Variants in SETX observed in about 807,000 individuals in gnomAD.
SETX encodes the protein helicase senataxin.
SETX carries 90 observed loss-of-function variants against 227.2 expected under a neutral mutation model. The observed-to-expected ratio is 0.40, with a 90% CI of 0.33 to 0.47. The LOEUF is 0.47. Among genes scored for constraint, SETX ranks in the 20% least tolerant of loss-of-function variants. The pLI, the probability that SETX is intolerant of heterozygous loss-of-function variation, is 0.91. For synonymous variants in SETX, 1,210 were observed against 1,113.2 expected (o/e 1.09, Z -1.73); for missense variants, 3,052 against 3,181.5 (o/e 0.96, Z 0.98).
intron 10 of SETX, among the ~76,000 whole-genome samples, chr9:132,313,628 G>A (rs1311297923): frequency 6.6e-6 from 1 of 152,072 alleles, no homozygotes; most frequent in Non-Finnish European, 1.5e-5. Flanking sequence ...AACTCATGTG[G>A]CCTTGGGAAA....
At chr9:132,306,920 A>C (rs986750821) in intron 11 of SETX, among the ~76,000 whole-genome samples, 3 of 152,202 alleles carry the variant, frequency 2.0e-5, no homozygotes, top group African/African-American at 7.2e-5. Flanking sequence ...CAGAATTGTC[A>C]TATCTTCTGT....
Position 132,281,523 on chromosome 9 carries a change from T to C in SETX, c.6598A>G (p.Asn2200Asp). 1 of 1,614,100 alleles carries C rather than the reference T, an allele frequency of 6.2e-7. No individual in the cohort carries two copies. Among genetic ancestry groups the C allele is most frequent in the Non-Finnish European group, 8.5e-7 (1 of 1,179,998 alleles). Residue 2200 changes from asparagine to aspartate, a missense_variant, in exon 20 of 26, where the codon AAT becomes GAT. Around this residue, in one of 10 missense-constraint regions of SETX, gnomAD observed 412 missense variants for 589.0 expected, o/e 0.70. Coordinates refer to ENST00000224140, the MANE Select transcript of SETX (RefSeq NM_015046.7). ...GGATCTCCTACTAGGATGAGCTTAT[T>C]GCAGCGATGGATGAGTGGAGTAAGA... is the stretch of plus-strand genomic sequence containing the variant. ...ETLTPLIHRC[N>D]KLILVGDPKQ...
At chr9:132,340,570 T>C (rs914954088) in intron 5 of SETX, among the ~76,000 whole-genome samples, 2 of 152,240 alleles carry the variant, frequency 1.3e-5, no homozygotes, top group African/African-American at 2.4e-5. Flanking sequence ...CCACGCATTT[T>C]AGTTTTCTAA....
Position 132,261,562 on chromosome 9 carries a change from G to A in SETX, c.*2677C>T, listed in dbSNP as rs1007967653. On this transcript the variant is annotated 3_prime_UTR_variant, in exon 26 of 26. Transcript: ENST00000224140. The stretch of plus-strand genomic sequence containing the variant: ...TTTAGGGTTTAACAAAGACAACAGG[G>A]CTGTTTGCCAAATCGCAGCTATTAA... 1 of 152,616 alleles carries A rather than the reference G, an allele frequency of 6.6e-6. No homozygotes were observed. The highest frequency in any genetic ancestry group is 1.5e-5 in the Non-Finnish European group (1 of 68,074). 9.5% of individuals were successfully genotyped at this position (152,616 alleles called of 1,614,324 possible).
In SETX at chr9:132,287,963, C is replaced by T. The variant is rs113460190; in HGVS notation, c.6324+273G>A. Among the ~76,000 whole-genome samples the T allele has an allele frequency of 1.6e-3, 248 of 152,240 alleles. 1 individual carries two copies. The highest frequency in any genetic ancestry group is 5.5e-3 in the African/African-American group (230 of 41,538). Reference sequence around the variant, plus strand: ...CTGAGGTGGGCAGATCAACTTGAGGCCGGGAGTTCGAGACTAGCCTGGCCA... The same window carrying T: ...CTGAGGTGGGCAGATCAACTTGAGGTCGGGAGTTCGAGACTAGCCTGGCCA... On this transcript the variant is annotated intron_variant, in intron 17 of 25. Coordinates refer to ENST00000224140, the MANE Select transcript of SETX (RefSeq NM_015046.7).
chr9:132,325,496 A>C (rs963466183), intron 10 of SETX, among the ~76,000 whole-genome samples: 3 of 152,232 alleles, frequency 2.0e-5, no homozygotes, highest in Non-Finnish European at 4.4e-5. Context: ...CTCTTACTTA[A>C]AAACAAAACA....
intron 22 of SETX, among the ~76,000 whole-genome samples, chr9:132,275,937 T>C (rs140206443): frequency 4.6e-5 from 7 of 152,280 alleles, no homozygotes; most frequent in Admixed American, 1.3e-4. Context: ...GTGAAGGATG[T>C]GTCCCACTTG....
intron 7 of SETX, among the ~76,000 whole-genome samples, chr9:132,333,002 T>C (rs775522913): frequency 4.6e-5 from 7 of 151,698 alleles, no homozygotes; most frequent in Non-Finnish European, 7.4e-5. Context: ...ATACATGTAG[T>C]TAGGCACAGG....
At chr9:132,341,849 T>A (rs1023488983) in intron 5 of SETX, among the ~76,000 whole-genome samples, 1 of 152,100 alleles carries the variant, frequency 6.6e-6, no homozygotes. Context: ...CCAGGCCAGG[T>A]TTCCACTCAT....
At chr9:132,275,963 C>G (rs1843138514) in intron 22 of SETX, among the ~76,000 whole-genome samples, 1 of 152,160 alleles carries the variant, frequency 6.6e-6, no homozygotes, top group South Asian at 2.1e-4. Context: ...AGTTGAACAA[C>G]ATGGGGCCCT....
chr9:132,309,134 T>C (rs923007064), intron 11 of SETX, among the ~76,000 whole-genome samples: 2 of 151,994 alleles, frequency 1.3e-5, no homozygotes, highest in African/African-American at 4.8e-5. Context: ...CAAGATTCCA[T>C]CTCAAAAAAC....
chr9:132,332,695 G>A (rs532849268), intron 7 of SETX, among the ~76,000 whole-genome samples: 5 of 152,314 alleles, frequency 3.3e-5, no homozygotes, highest in East Asian at 3.9e-4. Flanking sequence ...GCCGAGGCAG[G>A]AGGACTGCTT....
At chr9:132,316,026 G>A (rs939522062) in intron 10 of SETX, among the ~76,000 whole-genome samples, 1 of 152,146 alleles carries the variant, frequency 6.6e-6, no homozygotes, top group African/African-American at 2.4e-5. Flanking sequence ...GTACTCTTTA[G>A]TATGTAATGG....
chr9:132,326,919 T>C lies in SETX; in HGVS notation c.4679A>G (p.Asn1560Ser), dbSNP rs2131430572. The C allele has an allele frequency of 3.1e-6, 5 of 1,614,160 alleles. No homozygotes were observed. Among genetic ancestry groups the C allele is most frequent in the Non-Finnish European group, 4.2e-6 (5 of 1,180,026 alleles). The change falls in exon 10 of 26, where the codon AAC becomes AGC. Residue 1560 changes from asparagine to serine, a missense_variant. By Grantham distance (46) the Asn-to-Ser change is conservative. This residue lies in a region of SETX where 1,483 missense variants were observed against 1,312.0 expected (regional missense o/e 1.13). Coordinates refer to ENST00000224140, the MANE Select transcript of SETX (RefSeq NM_015046.7). The part of the protein sequence containing the change: ...KYKDCLETTK[N>S]QGEYCPKHSE... ...GTGTTTTGGGCAGTATTCACCCTGG[T>C]TTTTTGTGGTTTCAAGACAATCTTT...
chr9:132,301,159 C>G (rs1440622391), intron 11 of SETX, among the ~76,000 whole-genome samples: 1 of 141,402 alleles, frequency 7.1e-6, no homozygotes, highest in African/African-American at 2.6e-5. Context: ...GTGGCGCGAT[C>G]TCGGGTCACT....
chr9:132,328,177 GTTC>G lies in SETX; in HGVS notation c.3418_3420del (p.Glu1140del). 1.2e-6 allele frequency: 2 copies of G among 1,614,120 alleles called. No homozygotes were observed. The highest frequency in any genetic ancestry group is 1.7e-6 in the Non-Finnish European group (2 of 1,180,022). ...ACAGAAATACTCCGTGGTCTTGTGT[GTTC>G]TTCAATGCCCTCTGCTCCTTTTTTA... On this transcript the variant is annotated inframe_deletion, in exon 10 of 26. Transcript: ENST00000224140.
chr9:132,333,384 A>G (rs1847368970), intron 7 of SETX, among the ~76,000 whole-genome samples: 2 of 37,572 alleles, frequency 5.3e-5, no homozygotes, highest in Admixed American at 2.1e-4. Flanking sequence ...TCTCAAAAAG[A>G]AAAAAAAAAA....
rs1475049243 is a variant in SETX, at chr9:132,264,570, G to A, written c.7703C>T (p.Ala2568Val). Residue 2568 changes from alanine (A) to valine (V), a missense_variant, in exon 26 of 26, where the codon GCA becomes GTA. Coordinates refer to ENST00000224140, the MANE Select transcript of SETX (RefSeq NM_015046.7). The stretch of plus-strand genomic sequence containing the variant: ...GCCCGGCTCGCCCGTAGGAGGTGTT[G>A]CTCCAGGATGCTGGGGGCTCGAGGG... ...PQPSSPQHPG[A>V]TPPTGEPGFP... is the part of the protein sequence containing the mutation. The A allele has an allele frequency of 1.9e-6, 3 of 1,614,176 alleles. No individual in the cohort carries two copies. The highest frequency in any genetic ancestry group is 2.5e-6 in the Non-Finnish European group (3 of 1,180,036).
chr9:132,355,511 G>A (rs1848863964), upstream of SETX, among the ~76,000 whole-genome samples: 1 of 152,228 alleles, frequency 6.6e-6, no homozygotes, highest in Admixed American at 6.5e-5. Flanking sequence ...GAGACCTTAG[G>A]TCTTGCGAAC....
Sources: allele counts gnomAD v4.1 joint callset (sites outside exome capture counted in the v4.1 genomes callset), GRCh38; gene constraint gnomAD v4.1.1; regional missense constraint gnomAD v4.1.1; transcripts MANE v1.5; gene names NCBI Gene and HGNC (gene_info 2026-07-23, HGNC 2026-07-21).